RALGPS2: variants seen among roughly 807,000 people sequenced by gnomAD.
RALGPS2 encodes the protein Ral GEF with PH domain and SH3 binding motif 2, also known as ras-specific guanine nucleotide-releasing factor RalGPS2.
A neutral mutation model predicts 86.8 loss-of-function variants in RALGPS2; 43 were observed. The ratio of observed to expected loss-of-function variants is 0.50; its 90% confidence interval spans 0.39 to 0.64. The LOEUF is 0.64. Ranked by LOEUF, RALGPS2 falls within the 30% of genes least tolerant of loss-of-function variation. The probability of loss-of-function intolerance (pLI) is 0.00; values close to 1 mark genes in which losing one functional copy is unlikely to be tolerated. For missense variants in RALGPS2, 536 were observed against 694.6 expected, an observed-to-expected ratio of 0.77 and a Z score of 2.57; for synonymous variants, 243 against 231.3, an observed-to-expected ratio of 1.05 and a Z score of -0.46.
In RALGPS2 at chr1:178,919,586, T is replaced by G. The variant is rs1003014205; in HGVS notation, c.*3227T>G. The G allele has an allele frequency of 6.6e-6, 1 of 152,078 alleles. No homozygotes were observed. Among genetic ancestry groups the G allele is most frequent in the Admixed American group, 6.6e-5 (1 of 15,258 alleles). The allele number at this position is 152,078 out of a possible 1,614,324, so 9.4% of individuals were successfully genotyped here. A position where few individuals can be genotyped will look rare whatever the true frequency, so the allele number is the denominator to read the frequency against. ...CCTCAAAGAGCAGCCTGTTGATCTTTTGGCCAAATGACTTGAGCATAAGTC... is the reference window on the plus strand; with the variant it reads ...CCTCAAAGAGCAGCCTGTTGATCTTGTGGCCAAATGACTTGAGCATAAGTC... On this transcript the variant is annotated 3_prime_UTR_variant, in exon 20 of 20. Transcript: ENST00000367635.
At chr1:178,913,189 G>A (rs886084684) in intron 19 of RALGPS2, among the ~76,000 whole-genome samples, 12 of 151,992 alleles carry the variant, frequency 7.9e-5, no homozygotes, top group Admixed American at 4.6e-4. Flanking sequence ...GGCTGAGGCA[G>A]GAGAATCGCT....
chr1:178,725,435 C>T lies in RALGPS2; in HGVS notation c.-84+16C>T, dbSNP rs1467692020. On this transcript the variant is annotated intron_variant, in intron 1 of 19. Coordinates refer to ENST00000367635, the MANE Select transcript of RALGPS2 (RefSeq NM_152663.5). ...GGCTGCACAGGTCGGTGGGCTCAGG[C>T]CGCGGGGCGGTGCGGGGGAGGGAGG... 1 of 137,020 alleles carries T rather than the reference C, an allele frequency of 7.3e-6. No homozygotes were observed. The highest frequency in any genetic ancestry group is 2.6e-5 in the African/African-American group (1 of 38,080). 8.5% of individuals were successfully genotyped at this position (137,020 alleles called of 1,614,324 possible).
intron 10 of RALGPS2, among the ~76,000 whole-genome samples, chr1:178,881,265 C>T (rs757645943): frequency 6.6e-6 from 1 of 152,122 alleles, no homozygotes; most frequent in Admixed American, 6.6e-5. Context: ...TGAACAGCTT[C>T]AGGAGACAGC....
chr1:178,853,937 A>G (rs566977690), intron 8 of RALGPS2: 27 of 491,038 alleles, frequency 5.5e-5, no homozygotes, highest in Non-Finnish European at 8.3e-5. Context: ...ACTAAATAAA[A>G]GGGTGACTCC....
At chr1:178,744,382 C>T (rs1350387085) in intron 1 of RALGPS2, among the ~76,000 whole-genome samples, 2 of 152,102 alleles carry the variant, frequency 1.3e-5, no homozygotes, top group Non-Finnish European at 2.9e-5. Flanking sequence ...TCTGAAAAAA[C>T]TGTAGGTAGT....
chr1:178,735,764 AAAT>A (rs1650657898), intron 1 of RALGPS2, among the ~76,000 whole-genome samples: 1 of 152,108 alleles, frequency 6.6e-6, no homozygotes. Flanking sequence ...TAAAAAATAA[AAAT>A]AAGCAAAAAA....
At chr1:178,883,624 T>A (rs1659353276) in intron 11 of RALGPS2, 91 bp downstream of exon 11, 5 of 905,090 alleles carry the variant, frequency 5.5e-6, no homozygotes, top group Non-Finnish European at 6.9e-6. Flanking sequence ...ACTTAGTACA[T>A]CTTATACTGC....
intron 19 of RALGPS2, 32 bp downstream of exon 19, chr1:178,906,899 C>T (rs1424003439): frequency 1.3e-6 from 2 of 1,588,236 alleles, no homozygotes; most frequent in Admixed American, 1.7e-5. Flanking sequence ...CAGAATAGTC[C>T]ATAATTTGGG....
In RALGPS2 at chr1:178,811,365, T is replaced by C. The variant is rs759764957; in HGVS notation, c.348T>C (p.Ile116=). The change falls in exon 6 of 20, where the codon ATT becomes ATC. Residue 116 remains isoleucine (I), a synonymous_variant. Transcript: ENST00000367635. ...TTCTTCATGCTCAAACATTAAAAAT[T>C]AGAGCAGAAGTTTTGAGCCACTATA... ...REILHAQTLK[I]RAEVLSHYIK... 3.2e-6 allele frequency: 5 copies of C among 1,549,244 alleles called. No individual in the cohort carries two copies. Among genetic ancestry groups the C allele is most frequent in the Admixed American group, 2.3e-5 (1 of 43,874 alleles).
At chr1:178,797,406 A>G (rs1275971705) in intron 4 of RALGPS2, among the ~76,000 whole-genome samples, 1 of 152,116 alleles carries the variant, frequency 6.6e-6, no homozygotes, top group Non-Finnish European at 1.5e-5. Flanking sequence ...CCATAAATGC[A>G]TGTCAAAGTT....
chr1:178,800,113 G>T (rs2102169486), intron 4 of RALGPS2, among the ~76,000 whole-genome samples: 1 of 152,288 alleles, frequency 6.6e-6, no homozygotes, highest in Middle Eastern at 3.4e-3. Flanking sequence ...ACGCTTCTGA[G>T]CCAGTGCCAG....
intron 1 of RALGPS2, among the ~76,000 whole-genome samples, chr1:178,744,883 T>A (rs1375944603): frequency 1.3e-5 from 2 of 151,966 alleles, no homozygotes; most frequent in African/African-American, 2.4e-5. Flanking sequence ...TAAAGTATCT[T>A]CTTTGTAGTT....
At chr1:178,838,905 A>G (rs1280227542) in intron 8 of RALGPS2, among the ~76,000 whole-genome samples, 1 of 152,250 alleles carries the variant, frequency 6.6e-6, no homozygotes, top group Admixed American at 6.5e-5. Context: ...ACTGGAAGAA[A>G]GGGTATCAGT....
chr1:178,893,840 A>G (rs1659822643), intron 15 of RALGPS2, 79 bp from the exon 16 acceptor site: 1 of 889,268 alleles, frequency 1.1e-6, no homozygotes, highest in South Asian at 1.7e-5. Flanking sequence ...AATTAAGAAT[A>G]ATTACATTTT....
intron 8 of RALGPS2, among the ~76,000 whole-genome samples, chr1:178,843,008 T>C (rs996118727): frequency 2.0e-4 from 30 of 149,862 alleles, no homozygotes; most frequent in African/African-American, 5.6e-4. Flanking sequence ...AAACGACAGG[T>C]GCTGGAGAGG....
intron 6 of RALGPS2, 103 bp downstream of exon 6, chr1:178,811,507 A>G: frequency 1.2e-6 from 1 of 866,446 alleles, no homozygotes; most frequent in South Asian, 1.8e-5. Flanking sequence ...TGATACTGGA[A>G]AAATAAGACT....
At chr1:178,867,329 C>T (rs1658480781) in intron 8 of RALGPS2, among the ~76,000 whole-genome samples, 1 of 152,086 alleles carries the variant, frequency 6.6e-6, no homozygotes, top group Non-Finnish European at 1.5e-5. Context: ...TATCAAGAGT[C>T]ACACAGGTTC....
At chr1:178,792,925 C>G (rs767843612) in intron 4 of RALGPS2, among the ~76,000 whole-genome samples, 1 of 152,148 alleles carries the variant, frequency 6.6e-6, no homozygotes, top group African/African-American at 2.4e-5. Context: ...CACAGTTGCT[C>G]TCTCACTTTC....
intron 16 of RALGPS2, among the ~76,000 whole-genome samples, chr1:178,895,541 G>A (rs1382551485): frequency 6.6e-6 from 1 of 152,092 alleles, no homozygotes; most frequent in African/African-American, 2.4e-5. Flanking sequence ...CATTTGAGCT[G>A]AGATCTGAAT....
Sources: allele counts gnomAD v4.1 joint callset (sites outside exome capture counted in the v4.1 genomes callset), GRCh38; gene constraint gnomAD v4.1.1; transcripts MANE v1.5; gene names NCBI Gene and HGNC (gene_info 2026-07-23, HGNC 2026-07-21).